The following TDRD5 variants were observed in gnomAD, a reference collection of about 807,000 sequenced individuals.
The protein encoded by TDRD5 is tudor domain-containing protein 5.
TDRD5 carries 41 observed loss-of-function variants against 120.6 expected under a neutral mutation model. The ratio of observed to expected loss-of-function variants is 0.34; its 90% CI spans 0.26 to 0.44. The LOEUF is 0.44. TDRD5 is among the 20% of genes least tolerant of loss of function. The probability of loss-of-function intolerance (pLI) is 1.00; values close to 1 mark genes in which losing one functional copy is unlikely to be tolerated. For synonymous variants in TDRD5, 430 were observed against 433.7 expected, an observed-to-expected ratio of 0.99 and a Z score of 0.11; for missense variants, 1,006 against 1,221.2, an observed-to-expected ratio of 0.82 and a Z score of 2.63.
chr1:179,687,745 TATTTAG>T (rs1263530725), intron 17 of TDRD5, among the ~76,000 whole-genome samples: 1 of 152,140 alleles, frequency 6.6e-6, no homozygotes, highest in Non-Finnish European at 1.5e-5. Context: ...GGTGCATATA[TATTTAG>T]GATAGTTAGC....
intron 17 of TDRD5, among the ~76,000 whole-genome samples, chr1:179,675,270 ATTATTTTT>A (rs1424740202): frequency 6.7e-5 from 4 of 59,260 alleles, no homozygotes; most frequent in Admixed American, 2.1e-4. Context: ...TATTATTATT[ATTATTTTT>A]TTTTTTTTTT....
chr1:179,596,735 A>C (rs765642891), intron 4 of TDRD5, among the ~76,000 whole-genome samples: 2 of 152,084 alleles, frequency 1.3e-5, no homozygotes, highest in Non-Finnish European at 2.9e-5. Context: ...CATTTGGGTT[A>C]TTTCCTCTTT....
chr1:179,629,020 G>C (rs960446406), intron 6 of TDRD5, among the ~76,000 whole-genome samples: 33 of 152,078 alleles, frequency 2.2e-4, no homozygotes, highest in Non-Finnish European at 4.6e-4. Flanking sequence ...TTAATAATCA[G>C]ATCACTCAGC....
chr1:179,663,292 T>C, intron 15 of TDRD5, 56 bp from the exon 16 acceptor site: 1 of 1,542,910 alleles, frequency 6.5e-7, no homozygotes. Context: ...AGTTATCCTC[T>C]TTTTGGGTCA....
chr1:179,689,894 G>A (rs1681024704), intron 17 of TDRD5, among the ~76,000 whole-genome samples: 1 of 152,182 alleles, frequency 6.6e-6, no homozygotes, highest in Non-Finnish European at 1.5e-5. Flanking sequence ...TTTGCTACGA[G>A]TGTTGGAAAA....
At chr1:179,684,829 G>A (rs1680612942) in intron 17 of TDRD5, among the ~76,000 whole-genome samples, 1 of 152,166 alleles carries the variant, frequency 6.6e-6, no homozygotes, top group Non-Finnish European at 1.5e-5. Flanking sequence ...TGTGTCTGTT[G>A]GCTGCATAGA....
At chr1:179,600,044 C>T (rs1675623721) in intron 4 of TDRD5, among the ~76,000 whole-genome samples, 1 of 152,084 alleles carries the variant, frequency 6.6e-6, no homozygotes, top group African/African-American at 2.4e-5. Context: ...TGTAAAACAG[C>T]TTCAGGCATT....
intron 1 of TDRD5, 63 bp from the exon 2 acceptor site, chr1:179,592,538 GT>G: frequency 6.6e-6 from 8 of 1,206,534 alleles, no homozygotes; most frequent in South Asian, 1.4e-5. Flanking sequence ...CCCACTATTG[GT>G]TTTTTTTTAA....
At chr1:179,604,826 C>T (rs1193772110) in intron 4 of TDRD5, among the ~76,000 whole-genome samples, 3 of 152,000 alleles carry the variant, frequency 2.0e-5, no homozygotes, top group Admixed American at 1.3e-4. Context: ...GTTCCATGCC[C>T]TGTTAAATAA....
intron 4 of TDRD5, among the ~76,000 whole-genome samples, chr1:179,608,547 T>G (rs1453284535): frequency 6.6e-6 from 1 of 152,118 alleles, no homozygotes; most frequent in Non-Finnish European, 1.5e-5. Context: ...GTAACCTAAT[T>G]CCATCCAGAT....
At position 179,651,115 on chromosome 1, in the gene TDRD5, C is replaced by A. The variant is rs753185926; in HGVS notation, c.2001+48C>A. On this transcript the variant is annotated intron_variant, in intron 12 of 17. Transcript: ENST00000444136. ...TGTAATATATTTTGTTTAATTTCAC[C>A]ACGTCAAGGTATAAGATAATTTAAT... 3 of 1,582,832 alleles carry A rather than the reference C, an allele frequency of 1.9e-6. No homozygotes were observed. In the African/African-American group the frequency reaches 4.1e-5, roughly 21 times the overall value.
At chr1:179,658,567 A>G (rs1311633163) in intron 14 of TDRD5, among the ~76,000 whole-genome samples, 6 of 152,184 alleles carry the variant, frequency 3.9e-5, no homozygotes, top group Non-Finnish European at 5.9e-5. Flanking sequence ...AACTATATGT[A>G]TAACATTGTT....
chr1:179,629,271 G>A (rs1427241227), intron 6 of TDRD5, among the ~76,000 whole-genome samples: 1 of 152,040 alleles, frequency 6.6e-6, no homozygotes, highest in Non-Finnish European at 1.5e-5. Flanking sequence ...GGAAACTGAA[G>A]CTTATTCACT....
chr1:179,592,683 A>G lies in TDRD5; in HGVS notation c.68A>G (p.Lys23Arg). The G allele has an allele frequency of 6.2e-7, 1 of 1,614,086 alleles. No individual in the cohort carries two copies. Among genetic ancestry groups the G allele is most frequent in the Non-Finnish European group, 8.5e-7 (1 of 1,180,012 alleles). Residue 23 changes from lysine to arginine, a missense_variant, in exon 2 of 18, where the codon AAA (lysine) becomes AGA (arginine). By Grantham distance (26) the Lys-to-Arg change is conservative (BLOSUM62 2). This residue lies in a region of TDRD5 where 445 missense variants were observed against 515.5 expected (regional missense o/e 0.86). Coordinates refer to ENST00000444136, the MANE Select transcript of TDRD5 (RefSeq NM_001199085.3). Reference protein sequence around the residue: ...KEIRSLLISTKDGLSPQELEK... With the variant: ...KEIRSLLISTRDGLSPQELEK... ...ATAAGGTCACTTCTCATTTCCACCA[A>G]AGATGGTTTGAGCCCACAGGAGTTG...
chr1:179,595,151 C>T (rs1328702540), intron 3 of TDRD5, among the ~76,000 whole-genome samples: 4 of 151,972 alleles, frequency 2.6e-5, no homozygotes, highest in African/African-American at 9.7e-5. Flanking sequence ...CAACAGAATA[C>T]ACCTCTCCAG....
chr1:179,645,076 CTTTTTTTT>C (rs71569261), intron 11 of TDRD5, among the ~76,000 whole-genome samples: 3 of 99,572 alleles, frequency 3.0e-5, no homozygotes, highest in African/African-American at 1.2e-4. Context: ...AAACATTTTT[CTTTTTTTT>C]TTTTTTTTTT....
chr1:179,670,950 C>T (rs1157704008), intron 17 of TDRD5, among the ~76,000 whole-genome samples: 5 of 152,106 alleles, frequency 3.3e-5, no homozygotes, highest in Non-Finnish European at 7.3e-5. Flanking sequence ...ACTCAAATAA[C>T]TAAGATTTTC....
chr1:179,592,297 G>A (rs146055143), intron 1 of TDRD5, 172 bp downstream of exon 1: 6 of 299,958 alleles, frequency 2.0e-5, no homozygotes, highest in South Asian at 7.3e-5. Context: ...TGGTTCCCGA[G>A]GAGCCCCTGA....
intron 17 of TDRD5, among the ~76,000 whole-genome samples, chr1:179,682,441 G>A (rs776486216): frequency 2.0e-5 from 3 of 151,906 alleles, no homozygotes; most frequent in Non-Finnish European, 2.9e-5. Context: ...TCCCCTCTCT[G>A]TGCCCATGTT....
Sources: allele counts gnomAD v4.1 joint callset (sites outside exome capture counted in the v4.1 genomes callset), GRCh38; gene constraint gnomAD v4.1.1; regional missense constraint gnomAD v4.1.1; transcripts MANE v1.5; gene names NCBI Gene and HGNC (gene_info 2026-07-23, HGNC 2026-07-21).